MAPK10: variants seen among roughly 807,000 people sequenced by gnomAD.
The protein encoded by MAPK10 is mitogen-activated protein kinase 10.
In MAPK10, 25 loss-of-function variants were observed where a neutral mutation model predicts 59.3. The ratio of observed to expected loss-of-function variants is 0.42; its 90% confidence interval spans 0.31 to 0.59. The LOEUF (loss-of-function observed/expected upper bound fraction) is 0.59. Among genes scored for constraint, MAPK10 ranks in the 20% least tolerant of loss-of-function variants. The pLI is 0.15. For synonymous variants in MAPK10, 190 were observed against 200.5 expected, an observed-to-expected ratio of 0.95 and a Z score of 0.44; for missense variants, 351 against 568.9, an observed-to-expected ratio of 0.62 and a Z score of 3.90.
chr4:86,296,434 C>T (rs2095363568), intron 2 of MAPK10, among the ~76,000 whole-genome samples: 1 of 152,064 alleles, frequency 6.6e-6, no homozygotes, highest in South Asian at 2.1e-4. Context: ...CAACCCCTGA[C>T]AGACAAATGG....
intron 3 of MAPK10, among the ~76,000 whole-genome samples, chr4:86,167,734 G>T (rs777692251): frequency 2.6e-5 from 4 of 152,076 alleles, no homozygotes; most frequent in Non-Finnish European, 5.9e-5. Flanking sequence ...AATAAGAGCT[G>T]TTTATGAGAA....
chr4:86,321,038 C>A (rs2095878440), intron 2 of MAPK10, among the ~76,000 whole-genome samples: 1 of 152,044 alleles, frequency 6.6e-6, no homozygotes, highest in African/African-American at 2.4e-5. Flanking sequence ...TAATGAGATA[C>A]CATCTCACAC....
intron 2 of MAPK10, among the ~76,000 whole-genome samples, chr4:86,206,954 T>C (rs1326448700): frequency 2.6e-5 from 4 of 152,138 alleles, no homozygotes; most frequent in Non-Finnish European, 5.9e-5. Context: ...TAGCCCTTTG[T>C]CAGATGAGTA....
In MAPK10 at chr4:86,306,035, C is replaced by A. The variant is rs6826702; in HGVS notation, c.-7+48495G>T. Among the ~76,000 whole-genome samples, 4 of 152,006 alleles carry A rather than the reference C, an allele frequency of 2.6e-5. No individual in the cohort carries two copies. The East Asian group carries it at 7.8e-4, about 29-fold the overall frequency. ...ATACACTAATACAGGAATTACCAAA[C>A]TTTTTACCCAGATGCTCTTAAAAAT... On this transcript the variant is annotated intron_variant, in intron 2 of 13. Coordinates refer to ENST00000641462, the MANE Select transcript of MAPK10 (RefSeq NM_138982.4).
chr4:86,214,853 G>T (rs1325183176), intron 2 of MAPK10, among the ~76,000 whole-genome samples: 1 of 152,100 alleles, frequency 6.6e-6, no homozygotes, highest in Non-Finnish European at 1.5e-5. Context: ...AAAGCTATAT[G>T]CAAACTCAAT....
chr4:86,124,243 C>T (rs764561945), intron 4 of MAPK10: 1 of 151,350 alleles, frequency 6.6e-6, no homozygotes, highest in Non-Finnish European at 1.5e-5. Context: ...ACATTGGGTC[C>T]AAATAAATTG....
In MAPK10 at chr4:86,156,555, C is replaced by T. The variant is rs77611112; in HGVS notation, c.236+2743G>A. 1.5e-3 allele frequency among the ~76,000 whole-genome samples: 235 copies of T among 151,992 alleles called. 1 individual carries two copies. The highest frequency in any genetic ancestry group is 4.9e-3 in the African/African-American group (205 of 41,512). On this transcript the variant is annotated intron_variant, in intron 4 of 13. Transcript: ENST00000641462. ...CTTTTCAGTTAAAGAGCAGACCAGC[C>T]CTGGCAAGCTGTCTCTGCTAAACTT...
intron 9 of MAPK10, among the ~76,000 whole-genome samples, chr4:86,093,988 T>C (rs1417484003): frequency 1.3e-5 from 2 of 151,958 alleles, no homozygotes; most frequent in Non-Finnish European, 1.5e-5. Flanking sequence ...TTTTATATTG[T>C]TTGAAATAAC....
chr4:86,377,642 G>A (rs896568576), intron 1 of MAPK10, among the ~76,000 whole-genome samples: 2 of 152,082 alleles, frequency 1.3e-5, no homozygotes, highest in Non-Finnish European at 2.9e-5. Context: ...TGAATGAATC[G>A]GTGAATCACT....
At chr4:86,367,869 C>T (rs951874505) in intron 1 of MAPK10, among the ~76,000 whole-genome samples, 18 of 152,168 alleles carry the variant, frequency 1.2e-4, no homozygotes, top group Non-Finnish European at 2.5e-4. Context: ...AGTAGCCAAA[C>T]CCATCTTGGT....
At chr4:86,261,246 G>T (rs2093968873) in intron 2 of MAPK10, among the ~76,000 whole-genome samples, 1 of 152,148 alleles carries the variant, frequency 6.6e-6, no homozygotes. Flanking sequence ...TCACGTAATT[G>T]TTGACCACCT....
chr4:86,441,939 G>A (rs906517699), intron 1 of MAPK10, among the ~76,000 whole-genome samples: 1 of 152,164 alleles, frequency 6.6e-6, no homozygotes, highest in South Asian at 2.1e-4. Flanking sequence ...GGGCTGGGGG[G>A]TATCTTTTTG....
chr4:86,053,144 A>C (rs1050994008), intron 11 of MAPK10, among the ~76,000 whole-genome samples: 2 of 152,178 alleles, frequency 1.3e-5, no homozygotes, highest in African/African-American at 4.8e-5. Flanking sequence ...CTGCTCACCA[A>C]ATAATTCTGC....
chr4:86,292,976 T>C (rs1355933272), intron 2 of MAPK10, among the ~76,000 whole-genome samples: 9 of 152,226 alleles, frequency 5.9e-5, no homozygotes, highest in Admixed American at 2.0e-4. Flanking sequence ...CACCATAAGA[T>C]GTTTTGTCAG....
intron 2 of MAPK10, chr4:86,300,437 A>G (rs1404366745): frequency 6.6e-6 from 1 of 151,896 alleles, no homozygotes; most frequent in East Asian, 1.9e-4. Context: ...GTTTTAAAAT[A>G]CCTACAATAT....
intron 2 of MAPK10, among the ~76,000 whole-genome samples, chr4:86,292,553 C>A (rs1020828323): frequency 6.6e-6 from 1 of 151,984 alleles, no homozygotes; most frequent in Non-Finnish European, 1.5e-5. Flanking sequence ...CCTGTCTCTA[C>A]AAAAAATAAA....
intron 2 of MAPK10, among the ~76,000 whole-genome samples, chr4:86,246,329 G>A (rs776315221): frequency 6.6e-6 from 1 of 152,062 alleles, no homozygotes; most frequent in Non-Finnish European, 1.5e-5. Context: ...TACTCGGGAG[G>A]CTGAGGGAGG....
intron 1 of MAPK10, among the ~76,000 whole-genome samples, chr4:86,385,821 T>G (rs1045595733): frequency 6.6e-5 from 10 of 152,082 alleles, no homozygotes; most frequent in African/African-American, 2.4e-4. Flanking sequence ...TGACTATAAT[T>G]TAGTGAAGTG....
At chr4:86,127,427 T>C (rs2060253705) in intron 4 of MAPK10, among the ~76,000 whole-genome samples, 1 of 152,044 alleles carries the variant, frequency 6.6e-6, no homozygotes, top group Non-Finnish European at 1.5e-5. Flanking sequence ...TGAACATGAC[T>C]CAAATAGGCT....
Sources: gnomAD v4.1 joint callset for allele counts (sites outside exome capture counted in the v4.1 genomes callset) on GRCh38, gnomAD v4.1.1 for gene constraint, MANE v1.5 for transcripts, NCBI Gene and HGNC (gene_info 2026-07-23, HGNC 2026-07-21) for gene names.